The following BCAT1 variants were observed in gnomAD, a reference collection of about 807,000 sequenced individuals.
BCAT1 encodes branched-chain-amino-acid aminotransferase, cytosolic.
Under a neutral mutation model 52.4 loss-of-function variants are expected in BCAT1, and 48 were observed. The observed-to-expected ratio is 0.92, with a 90% CI of 0.73 to 1.16. The LOEUF (loss-of-function observed/expected upper bound fraction) is 1.16. Ranked by LOEUF, BCAT1 falls within the 50% of genes most tolerant of loss-of-function variation. BCAT1 has a pLI of 0.00. For synonymous variants in BCAT1, 167 were observed against 161.3 expected (o/e 1.04, Z -0.27); for missense variants, 451 against 457.1 (o/e 0.99, Z 0.12).
intron 4 of BCAT1, among the ~76,000 whole-genome samples, chr12:24,879,985 A>T (rs77345488): frequency 0.17 from 25,352 of 152,204 alleles, 2,168 homozygotes; most frequent in East Asian, 0.22. Context: ...CTGTAATGAG[A>T]AGAAGAGCGA....
intron 3 of BCAT1, among the ~76,000 whole-genome samples, chr12:24,891,552 A>T (rs1049636459): frequency 1.3e-5 from 2 of 152,244 alleles, no homozygotes; most frequent in Non-Finnish European, 2.9e-5. Context: ...ACCATGCAAT[A>T]TACAATCCAG....
intron 1 of BCAT1, among the ~76,000 whole-genome samples, chr12:24,927,038 A>C (rs1049898679): frequency 6.6e-6 from 1 of 152,208 alleles, no homozygotes; most frequent in Non-Finnish European, 1.5e-5. Context: ...AAAAACACAT[A>C]TAATCTCCAA....
At chr12:24,913,907 G>A (rs1356998416) in intron 1 of BCAT1, among the ~76,000 whole-genome samples, 1 of 151,964 alleles carries the variant, frequency 6.6e-6, no homozygotes, top group Admixed American at 6.6e-5. Flanking sequence ...GGAAGTTAGA[G>A]TACTATTTTT....
At position 24,926,924 on chromosome 12, in the gene BCAT1, C is replaced by A. The variant is rs575804236; in HGVS notation, c.6+22003G>T. On this transcript the variant is annotated intron_variant, in intron 1 of 10. Coordinates refer to ENST00000261192, the MANE Select transcript of BCAT1 (RefSeq NM_005504.7). ...TTGTCCTATGACCCTGCCAAATCCCCCTCTGCGAGAAACACCCAAGAATGA... is the reference window on the plus strand; with the variant it reads ...TTGTCCTATGACCCTGCCAAATCCCACTCTGCGAGAAACACCCAAGAATGA... Among the ~76,000 whole-genome samples the A allele has an allele frequency of 1.9e-3, 295 of 152,118 alleles. 1 individual carries two copies. The highest frequency in any genetic ancestry group is 6.9e-3 in the African/African-American group (286 of 41,476).
intron 8 of BCAT1, 41 bp downstream of exon 8, chr12:24,836,470 A>T: frequency 6.6e-7 from 1 of 1,507,336 alleles, no homozygotes; most frequent in Non-Finnish European, 9.1e-7. Context: ...ATTATTTTTT[A>T]TTTCAGGCTT....
chr12:24,888,990 A>C (rs1942762794), intron 3 of BCAT1, among the ~76,000 whole-genome samples: 1 of 152,022 alleles, frequency 6.6e-6, no homozygotes, highest in African/African-American at 2.4e-5. Flanking sequence ...TAAAAGGATT[A>C]GGGTGGGGCA....
At chr12:24,883,868 C>T (rs1223092275) in intron 3 of BCAT1, among the ~76,000 whole-genome samples, 2 of 152,162 alleles carry the variant, frequency 1.3e-5, no homozygotes, top group African/African-American at 4.8e-5. Flanking sequence ...CCTATGAGAA[C>T]CTAATGCTGC....
intron 1 of BCAT1, among the ~76,000 whole-genome samples, chr12:24,916,930 G>C (rs1208152058): frequency 1.3e-5 from 2 of 152,140 alleles, no homozygotes; most frequent in African/African-American, 4.8e-5. Flanking sequence ...AAGAATTCAG[G>C]TAGAAAGAAA....
chr12:24,848,624 T>C (rs962059163), intron 6 of BCAT1, among the ~76,000 whole-genome samples: 16 of 152,186 alleles, frequency 1.1e-4, no homozygotes, highest in Admixed American at 5.2e-4. Flanking sequence ...ACTCTCTATA[T>C]ATGGTATATA....
At chr12:24,908,496 G>A (rs1943261891) in intron 1 of BCAT1, among the ~76,000 whole-genome samples, 1 of 152,204 alleles carries the variant, frequency 6.6e-6, no homozygotes, top group Admixed American at 6.5e-5. Context: ...CCCCACTTTA[G>A]GAGGGTGAGG....
At position 24,901,831 on chromosome 12, in the gene BCAT1, C is replaced by T. The variant is rs750678618; in HGVS notation, c.61G>A (p.Val21Met). 11 of 1,613,994 alleles carry T rather than the reference C, an allele frequency of 6.8e-6. No homozygotes were observed. The East Asian group carries it at 2.2e-4, about 33-fold the overall frequency. The stretch of plus-strand genomic sequence containing the variant: ...CAACTTACCTTAAAAGTCCCCACCA[C>T]CTCTTTTGATCCTCCTTCTCCGGTA... ...ECTGEGGSKE[V>M]VGTFKAKDLI... Residue 21 changes from valine to methionine, a missense_variant, in exon 2 of 11, where the codon GTG becomes ATG. Val to Met is a conservative substitution (Grantham distance 21, BLOSUM62 1). Coordinates refer to ENST00000261192, the MANE Select transcript of BCAT1 (RefSeq NM_005504.7).
chr12:24,934,283 C>G (rs4246225), intron 1 of BCAT1, among the ~76,000 whole-genome samples: 83,428 of 152,056 alleles, frequency 0.55, 23,114 homozygotes, highest in South Asian at 0.7. Flanking sequence ...GCCTTGCTTC[C>G]TCTTCACCTT....
chr12:24,850,460 C>G (rs1160444881), intron 5 of BCAT1, among the ~76,000 whole-genome samples: 1 of 152,186 alleles, frequency 6.6e-6, no homozygotes, highest in Non-Finnish European at 1.5e-5. Flanking sequence ...CTGCCCACAT[C>G]AACTAGCAGG....
At chr12:24,896,972 C>T (rs910974962) in intron 2 of BCAT1, among the ~76,000 whole-genome samples, 7 of 152,206 alleles carry the variant, frequency 4.6e-5, no homozygotes, top group African/African-American at 1.4e-4. Context: ...GAAATTCTAA[C>T]ACAAACTTTT....
At chr12:24,854,611 T>C (rs969215778) in intron 5 of BCAT1, among the ~76,000 whole-genome samples, 4 of 152,174 alleles carry the variant, frequency 2.6e-5, no homozygotes, top group Non-Finnish European at 5.9e-5. Flanking sequence ...AAAGCTACTA[T>C]AGCTGGCTTG....
At chr12:24,920,349 T>A (rs1487545254) in intron 1 of BCAT1, among the ~76,000 whole-genome samples, 1 of 152,192 alleles carries the variant, frequency 6.6e-6, no homozygotes, top group African/African-American at 2.4e-5. Context: ...GTGGCATGGC[T>A]TAATTAGAGG....
At chr12:24,939,327 T>G (rs970759672) in intron 1 of BCAT1, among the ~76,000 whole-genome samples, 5 of 152,192 alleles carry the variant, frequency 3.3e-5, no homozygotes, top group Non-Finnish European at 5.9e-5. Flanking sequence ...ACTTAGCCAT[T>G]GTTTGCTGGT....
intron 3 of BCAT1, among the ~76,000 whole-genome samples, chr12:24,891,755 T>TG (rs1188365370): frequency 1.5e-5 from 2 of 135,228 alleles, no homozygotes; most frequent in African/African-American, 6.2e-5. Context: ...GAGGTTTTTG[T>TG]TTTTTTTTTT....
At chr12:24,942,537 C>T (rs778351989) in intron 1 of BCAT1, among the ~76,000 whole-genome samples, 1 of 141,410 alleles carries the variant, frequency 7.1e-6, no homozygotes, top group Non-Finnish European at 1.5e-5. Flanking sequence ...GAACAAGACT[C>T]CGCCTCAAAA....
Sources: allele counts gnomAD v4.1 joint callset (sites outside exome capture counted in the v4.1 genomes callset), GRCh38; gene constraint gnomAD v4.1.1; transcripts MANE v1.5; gene names NCBI Gene and HGNC (gene_info 2026-07-23, HGNC 2026-07-21).